The following INTS7 variants were observed in gnomAD, a reference collection of about 807,000 sequenced individuals.
INTS7 encodes the protein chromosome 1 open reading frame 73.
Under a neutral mutation model 109.2 loss-of-function variants are expected in INTS7, and 46 were observed. The ratio of observed to expected loss-of-function variants is 0.42; its 90% CI spans 0.33 to 0.54. INTS7 has a LOEUF of 0.54. INTS7 is among the 20% of genes least tolerant of loss of function. The pLI is 0.07. For synonymous variants in INTS7, 412 were observed against 402.9 expected (o/e 1.02, Z -0.27); for missense variants, 929 against 1,132.4 (o/e 0.82, Z 2.58).
intron 7 of INTS7, among the ~76,000 whole-genome samples, chr1:211,989,700 TAGTACC>T (rs1435950559): frequency 6.6e-6 from 1 of 151,472 alleles, no homozygotes; most frequent in Non-Finnish European, 1.5e-5. Context: ...TGCACACCTG[TAGTACC>T]AGCTACTCAG....
chr1:211,996,211 T>C (rs1056447368), intron 7 of INTS7, among the ~76,000 whole-genome samples: 1 of 152,002 alleles, frequency 6.6e-6, no homozygotes, highest in African/African-American at 2.4e-5. Context: ...CACTTGAGAT[T>C]GGGAGTTCAA....
intron 3 of INTS7, among the ~76,000 whole-genome samples, chr1:212,019,502 G>A (rs1219801291): frequency 6.6e-6 from 1 of 152,028 alleles, no homozygotes; most frequent in East Asian, 1.9e-4. Flanking sequence ...GGCTAGGTCA[G>A]AAATGAACAC....
At chr1:212,023,715 C>A (rs984956591) in intron 1 of INTS7, among the ~76,000 whole-genome samples, 5 of 152,140 alleles carry the variant, frequency 3.3e-5, no homozygotes, top group African/African-American at 1.2e-4. Context: ...TTGATAGTTT[C>A]TTTTGCTGTG....
chr1:212,028,149 C>T (rs931002211), intron 1 of INTS7, among the ~76,000 whole-genome samples: 1 of 152,180 alleles, frequency 6.6e-6, no homozygotes, highest in African/African-American at 2.4e-5. Context: ...CTCAAGTTAA[C>T]TTCTGCCACT....
chr1:211,975,262 C>A lies in INTS7; in HGVS notation c.1719G>T (p.Gln573His). ...NSLKEFSHAE[Q>H]CLTGLQEENY... ...TTTCCTCTTGCAACCCAGTGAGACA[C>A]TGTTCTGCATGTGAAAACTCCTTCA... Residue 573 changes from glutamine to histidine, a missense_variant, in exon 13 of 20, where the codon CAG becomes CAT. By Grantham distance (24) the Gln-to-His change is conservative. Transcript: ENST00000366994. The A allele has an allele frequency of 6.2e-7, 1 of 1,613,802 alleles. No individual in the cohort carries two copies. The highest frequency in any genetic ancestry group is 1.3e-5 in the African/African-American group (1 of 75,044).
chr1:212,026,027 T>C (rs538138883), intron 1 of INTS7, among the ~76,000 whole-genome samples: 40 of 151,980 alleles, frequency 2.6e-4, no homozygotes, highest in Non-Finnish European at 5.7e-4. Context: ...CAGGCACCTG[T>C]AATCACAGCT....
intron 13 of INTS7, among the ~76,000 whole-genome samples, chr1:211,970,989 AGCAAT>A (rs1255516449): frequency 6.6e-6 from 1 of 152,236 alleles, no homozygotes; most frequent in African/African-American, 2.4e-5. Context: ...TACTACCAGT[AGCAAT>A]GCTTCCCAAC....
intron 6 of INTS7, 76 bp downstream of exon 6, chr1:212,007,174 C>T: frequency 9.6e-7 from 1 of 1,041,952 alleles, no homozygotes. Flanking sequence ...ACTTGTGGGC[C>T]ACTTTCTTAT....
At chr1:212,031,991 C>G (rs1052108688) in intron 1 of INTS7, among the ~76,000 whole-genome samples, 4 of 152,206 alleles carry the variant, frequency 2.6e-5, no homozygotes, top group Non-Finnish European at 5.9e-5. Flanking sequence ...TTATGCCTAA[C>G]TGACTAATCA....
chr1:211,992,101 C>CA (rs1665173065), intron 7 of INTS7, among the ~76,000 whole-genome samples: 1 of 152,130 alleles, frequency 6.6e-6, no homozygotes, highest in African/African-American at 2.4e-5. Context: ...TTTATTCAAG[C>CA]ACTTAGGCCA....
At chr1:212,001,805 G>A (rs1056634275) in intron 7 of INTS7, among the ~76,000 whole-genome samples, 6 of 152,148 alleles carry the variant, frequency 3.9e-5, no homozygotes, top group African/African-American at 1.4e-4. Context: ...ATACTATTCT[G>A]ACTTACATAT....
intron 7 of INTS7, among the ~76,000 whole-genome samples, chr1:211,991,588 T>A (rs941548235): frequency 6.6e-5 from 10 of 152,256 alleles, no homozygotes; most frequent in Middle Eastern, 3.4e-3. Context: ...GAATTAAAAT[T>A]AAAAATCAAA....
chr1:211,980,764 C>T (rs1664626994), intron 10 of INTS7, among the ~76,000 whole-genome samples: 1 of 152,144 alleles, frequency 6.6e-6, no homozygotes, highest in South Asian at 2.1e-4. Context: ...AAAAATCTTG[C>T]ATATCTCTAA....
chr1:212,034,510 G>A lies in INTS7; in HGVS notation c.94+834C>T, dbSNP rs540001792. On this transcript the variant is annotated intron_variant, in intron 1 of 19. Transcript: ENST00000366994. ...TATACCAGCTGCCGAAATGTTTCCCGTACAATAAAAATCCTCAATATGAAA... is the reference window on the plus strand; with the variant it reads ...TATACCAGCTGCCGAAATGTTTCCCATACAATAAAAATCCTCAATATGAAA... 3.3e-5 allele frequency among the ~76,000 whole-genome samples: 5 copies of A among 152,120 alleles called. No individual in the cohort carries two copies. The South Asian group carries it at 1.0e-3, about 32-fold the overall frequency.
At chr1:211,988,071 T>G (rs1664973881) in intron 7 of INTS7, 68 bp from the exon 8 acceptor site, 3 of 768,862 alleles carry the variant, frequency 3.9e-6, no homozygotes, top group African/African-American at 1.8e-5. Flanking sequence ...GTCTACTCCA[T>G]TTACATTTTC....
intron 7 of INTS7, among the ~76,000 whole-genome samples, chr1:211,995,200 C>T: frequency 6.6e-6 from 1 of 151,950 alleles, no homozygotes; most frequent in Admixed American, 6.6e-5. Flanking sequence ...ACAAAGAAAA[C>T]TTGATCAAAA....
rs916524828 is a variant in INTS7 at position 211,941,215 on chromosome 1, T to C, written c.*609A>G. 6.6e-6 allele frequency: 1 copy of C among 152,530 alleles called. No homozygotes were observed. The highest frequency in any genetic ancestry group is 1.5e-5 in the Non-Finnish European group (1 of 68,318). 9.4% of individuals were successfully genotyped at this position (152,530 alleles called of 1,614,324 possible). On this transcript the variant is annotated 3_prime_UTR_variant, in exon 20 of 20. Transcript: ENST00000366994. ...AAGTCAGGCAGCAAATGATGTATTT[T>C]GGAAGAGTAGCGGTCAAATTTACCA...
At chr1:212,033,152 G>C (rs1041643554) in intron 1 of INTS7, among the ~76,000 whole-genome samples, 1 of 152,160 alleles carries the variant, frequency 6.6e-6, no homozygotes, top group African/African-American at 2.4e-5. Flanking sequence ...TGCTGAGGTG[G>C]GGGAGATATT....
intron 9 of INTS7, 67 bp downstream of exon 9, chr1:211,982,608 AT>A: frequency 1.5e-6 from 2 of 1,296,744 alleles, no homozygotes; most frequent in East Asian, 2.5e-5. Context: ...TTAAAAAAAA[AT>A]CAAACAGAAT....
Sources: allele counts gnomAD v4.1 joint callset (sites outside exome capture counted in the v4.1 genomes callset), GRCh38; gene constraint gnomAD v4.1.1; transcripts MANE v1.5; gene names NCBI Gene and HGNC (gene_info 2026-07-23, HGNC 2026-07-21).